Variants in LRP1B observed in about 807,000 individuals in gnomAD.
The protein encoded by LRP1B is low-density lipoprotein receptor-related protein 1B.
LRP1B carries 217 observed loss-of-function variants against 556.6 expected under a neutral mutation model. The observed-to-expected ratio is 0.39, with a 90% CI of 0.35 to 0.44. The LOEUF is 0.44. LRP1B is among the 20% of genes least tolerant of loss of function. The probability of loss-of-function intolerance (pLI) is 1.00; values close to 1 mark genes in which losing one functional copy is unlikely to be tolerated. For synonymous variants in LRP1B, 2,047 were observed against 1,865.8 expected (o/e 1.10, Z -2.50); for missense variants, 5,053 against 5,620.8 (o/e 0.90, Z 3.23).
At chr2:141,854,364 C>G (rs980254452) in intron 1 of LRP1B, among the ~76,000 whole-genome samples, 1 of 151,980 alleles carries the variant, frequency 6.6e-6, no homozygotes, top group African/African-American at 2.4e-5. Flanking sequence ...ATTGCCATTT[C>G]ATCAGAAAGG....
intron 27 of LRP1B, among the ~76,000 whole-genome samples, chr2:140,860,667 A>ATT (rs201202162): frequency 2.2e-4 from 32 of 148,256 alleles, no homozygotes; most frequent in African/African-American, 7.9e-4. Flanking sequence ...TTCTTGAAAG[A>ATT]TTTTTTTTTT....
In LRP1B at chr2:142,126,171, C is replaced by T. The variant is rs958529121; in HGVS notation, c.82+4477G>A. Among the ~76,000 whole-genome samples, 3 of 151,630 alleles carry T rather than the reference C, an allele frequency of 2.0e-5. No individual in the cohort carries two copies. The East Asian group carries it at 5.9e-4, about 30-fold the overall frequency. On this transcript the variant is annotated intron_variant, in intron 1 of 90. Transcript: ENST00000389484. ...TTGACACGTGTTTCTGCCACACAGT[C>T]AGATTCTGTTAAAACAAAATACTTG...
At chr2:140,467,657 C>A (rs1308315910) in intron 60 of LRP1B, among the ~76,000 whole-genome samples, 1 of 148,210 alleles carries the variant, frequency 6.7e-6, no homozygotes, top group African/African-American at 2.5e-5. Flanking sequence ...GAGGTGGAGG[C>A]TTTGAGAAGT....
intron 3 of LRP1B, among the ~76,000 whole-genome samples, chr2:141,430,749 C>T (rs75965760): frequency 1.6e-3 from 247 of 152,056 alleles, no homozygotes; most frequent in African/African-American, 5.8e-3. Flanking sequence ...AAAGCCCTTG[C>T]CTTTTGGTTA....
chr2:141,338,398 G>A (rs1687928417), intron 3 of LRP1B, among the ~76,000 whole-genome samples: 1 of 152,116 alleles, frequency 6.6e-6, no homozygotes, highest in Non-Finnish European at 1.5e-5. Flanking sequence ...GTTTCTTCTG[G>A]AGCTCTTTCT....
At chr2:142,058,674 T>G (rs1704776762) in intron 1 of LRP1B, among the ~76,000 whole-genome samples, 2 of 152,082 alleles carry the variant, frequency 1.3e-5, no homozygotes, top group African/African-American at 4.8e-5. Flanking sequence ...TTTAGAGCAC[T>G]TTACTCCTTC....
At chr2:140,748,397 CATATATTAT>C (rs1688417116) in intron 35 of LRP1B, among the ~76,000 whole-genome samples, 1 of 79,082 alleles carries the variant, frequency 1.3e-5, no homozygotes. Flanking sequence ...ATATTATATT[CATATATTAT>C]ATTCATATAT....
chr2:141,949,498 C>T (rs1234116519), intron 1 of LRP1B, among the ~76,000 whole-genome samples: 2 of 152,134 alleles, frequency 1.3e-5, no homozygotes, highest in South Asian at 2.1e-4. Flanking sequence ...TCAAGCAATT[C>T]TCTGCCTCAG....
Position 141,186,567 on chromosome 2 carries a change from T to C in LRP1B, c.1013+1854A>G, listed in dbSNP as rs144925167. Among the ~76,000 whole-genome samples the C allele has an allele frequency of 2.8e-3, 433 of 152,172 alleles. 4 individuals are homozygous for C. Among genetic ancestry groups the C allele is most frequent in the African/African-American group, 9.9e-3 (410 of 41,544 alleles). ...CTTCTCTGATATCTATGATTCATGATTAAAAACAGTGCTATAGAGACAGAA... is the reference window on the plus strand; with the variant it reads ...CTTCTCTGATATCTATGATTCATGACTAAAAACAGTGCTATAGAGACAGAA... On this transcript the variant is annotated intron_variant, in intron 7 of 90. Transcript: ENST00000389484.
At chr2:140,919,887 A>G (rs531535241) in intron 21 of LRP1B, among the ~76,000 whole-genome samples, 2 of 152,140 alleles carry the variant, frequency 1.3e-5, no homozygotes, top group Non-Finnish European at 1.5e-5. Flanking sequence ...GCGTGAATAC[A>G]CAACCATTTA....
intron 43 of LRP1B, among the ~76,000 whole-genome samples, chr2:140,590,831 A>G (rs1304979567): frequency 6.6e-6 from 1 of 152,202 alleles, no homozygotes; most frequent in Non-Finnish European, 1.5e-5. Flanking sequence ...TCATTCAAGA[A>G]ATATTTTTAT....
At chr2:141,099,935 T>C (rs1203270279) in intron 7 of LRP1B, among the ~76,000 whole-genome samples, 1 of 152,182 alleles carries the variant, frequency 6.6e-6, no homozygotes, top group Non-Finnish European at 1.5e-5. Context: ...TTCTGAACCC[T>C]GAATGGGTAA....
intron 41 of LRP1B, among the ~76,000 whole-genome samples, chr2:140,614,607 G>C (rs748760502): frequency 6.6e-6 from 1 of 152,098 alleles, no homozygotes; most frequent in Non-Finnish European, 1.5e-5. Context: ...ACTTTTTAAT[G>C]TTATGTGGCA....
intron 62 of LRP1B, among the ~76,000 whole-genome samples, chr2:140,455,219 A>G (rs1451516875): frequency 6.6e-6 from 1 of 152,172 alleles, no homozygotes; most frequent in Non-Finnish European, 1.5e-5. Flanking sequence ...TTATTACACA[A>G]ATACTCAGGG....
chr2:141,448,690 C>G (rs548942129), intron 3 of LRP1B, among the ~76,000 whole-genome samples: 21 of 152,266 alleles, frequency 1.4e-4, no homozygotes, highest in South Asian at 8.3e-4. Flanking sequence ...TGAAGCGACA[C>G]CCCACCCTGC....
rs373034076 is a variant in LRP1B at position 141,059,598 on chromosome 2, T to C, written c.1237-544A>G. On this transcript the variant is annotated intron_variant, in intron 8 of 90. Coordinates refer to ENST00000389484, the MANE Select transcript of LRP1B (RefSeq NM_018557.3). ...GAAAGTAATATATAAAGAAATCACA[T>C]ATTTGCAATCATTGTAAATAAATGT... Among the ~76,000 whole-genome samples, 8 of 151,942 alleles carry C rather than the reference T, an allele frequency of 5.3e-5. No individual in the cohort carries two copies. The East Asian group carries it at 9.7e-4, about 18-fold the overall frequency.
intron 35 of LRP1B, among the ~76,000 whole-genome samples, chr2:140,717,957 A>G (rs1030287592): frequency 2.0e-5 from 3 of 152,090 alleles, no homozygotes; most frequent in African/African-American, 7.2e-5. Flanking sequence ...TATGTCTAGA[A>G]AGCAAGGATT....
At chr2:140,552,416 T>G (rs143075229) in intron 43 of LRP1B, among the ~76,000 whole-genome samples, 93 of 152,216 alleles carry the variant, frequency 6.1e-4, no homozygotes, top group African/African-American at 2.1e-3. Flanking sequence ...TCTGCTGACA[T>G]AGAGAGAGGA....
At chr2:142,129,828 G>A (rs1398218306) in intron 1 of LRP1B, among the ~76,000 whole-genome samples, 1 of 152,006 alleles carries the variant, frequency 6.6e-6, no homozygotes, top group East Asian at 1.9e-4. Flanking sequence ...AACTCGCACA[G>A]GGATTCTTGA....
Sources: gnomAD v4.1 joint callset for allele counts (sites outside exome capture counted in the v4.1 genomes callset) on GRCh38, gnomAD v4.1.1 for gene constraint, MANE v1.5 for transcripts, NCBI Gene and HGNC (gene_info 2026-07-23, HGNC 2026-07-21) for gene names.